TRMT1L: variants seen among roughly 807,000 people sequenced by gnomAD.
TRMT1L encodes tRNA methyltransferase 1L.
In TRMT1L, 28 loss-of-function variants were observed where a neutral mutation model predicts 81.6. That is an observed-to-expected ratio of 0.34 (90% confidence interval 0.25 to 0.47). The LOEUF (loss-of-function observed/expected upper bound fraction) is 0.47. TRMT1L is among the 20% of genes least tolerant of loss of function. TRMT1L has a pLI of 1.00. For synonymous variants in TRMT1L, 301 were observed against 303.2 expected (o/e 0.99, Z 0.07); for missense variants, 739 against 877.1 (o/e 0.84, Z 1.99).
At chr1:185,141,077 A>C (rs1320494336) in intron 7 of TRMT1L, among the ~76,000 whole-genome samples, 1 of 152,116 alleles carries the variant, frequency 6.6e-6, no homozygotes. Flanking sequence ...CTACTAGCTT[A>C]AAGTCATAAG....
At chr1:185,121,832 T>C (rs980546302) in intron 13 of TRMT1L, among the ~76,000 whole-genome samples, 1 of 152,108 alleles carries the variant, frequency 6.6e-6, no homozygotes, top group African/African-American at 2.4e-5. Flanking sequence ...TGTAGGTTTG[T>C]TACGTGGGTA....
At chr1:185,151,664 C>T (rs1353239199) in intron 2 of TRMT1L, among the ~76,000 whole-genome samples, 161 bp downstream of exon 2, 1 of 152,094 alleles carries the variant, frequency 6.6e-6, no homozygotes, top group Non-Finnish European at 1.5e-5. Context: ...CAACTTTGCA[C>T]ATAAGCGGTT....
chr1:185,143,203 C>G (rs1036473319), intron 7 of TRMT1L, among the ~76,000 whole-genome samples, 154 bp downstream of exon 7: 2 of 152,026 alleles, frequency 1.3e-5, no homozygotes, highest in Admixed American at 1.3e-4. Context: ...TTATTATACT[C>G]TAATATACAT....
chr1:185,128,588 T>C, intron 11 of TRMT1L, 81 bp downstream of exon 11: 16 of 1,325,120 alleles, frequency 1.2e-5, no homozygotes, highest in Non-Finnish European at 1.7e-5. Flanking sequence ...ATTTGTCTTT[T>C]ACCACACATA....
chr1:185,121,707 G>GTAA (rs1652503257), intron 13 of TRMT1L, among the ~76,000 whole-genome samples: 1 of 151,914 alleles, frequency 6.6e-6, no homozygotes, highest in African/African-American at 2.4e-5. Flanking sequence ...AAAATCTGAT[G>GTAA]TAATACGTTA....
intron 10 of TRMT1L, among the ~76,000 whole-genome samples, chr1:185,130,088 C>G (rs560204242): frequency 6.6e-6 from 1 of 152,264 alleles, no homozygotes; most frequent in East Asian, 1.9e-4. Flanking sequence ...TGCCTTTTCC[C>G]AAGCCTCTTT....
intron 13 of TRMT1L, among the ~76,000 whole-genome samples, chr1:185,121,823 G>A (rs1382435391): frequency 2.6e-5 from 4 of 151,640 alleles, no homozygotes; most frequent in African/African-American, 9.7e-5. Flanking sequence ...GGGTATATGT[G>A]TAGGTTTGTT....
At chr1:185,145,881 T>G (rs1306564759) in intron 4 of TRMT1L, among the ~76,000 whole-genome samples, 1 of 151,928 alleles carries the variant, frequency 6.6e-6, no homozygotes, top group African/African-American at 2.4e-5. Flanking sequence ...AAATGCTTAT[T>G]AACTGGCTCT....
intron 10 of TRMT1L, among the ~76,000 whole-genome samples, chr1:185,130,842 G>C (rs1652752095): frequency 6.6e-6 from 1 of 152,052 alleles, no homozygotes; most frequent in Non-Finnish European, 1.5e-5. Flanking sequence ...TCCCCAGTGT[G>C]GCTCTCCCAG....
Position 185,120,291 on chromosome 1 carries a change from GA to G in TRMT1L, c.1950-21del, listed in dbSNP as rs1557982962. On this transcript the variant is annotated intron_variant, in intron 14 of 14. Coordinates refer to ENST00000367506, the MANE Select transcript of TRMT1L (RefSeq NM_030934.5). ...TTTAACCTGCAAAAAGGAAAGGAAA[GA>G]AAAAATAATCAGGTTCTTGTATTTT... 2.0e-6 allele frequency: 3 copies of G among 1,502,386 alleles called. No individual in the cohort carries two copies. The highest frequency in any genetic ancestry group is 2.7e-6 in the Non-Finnish European group (3 of 1,126,946). The allele number at this position is 1,502,386 out of a possible 1,614,324, so 93.1% of individuals were successfully genotyped here. A position where few individuals can be genotyped will look rare whatever the true frequency, so the allele number is the denominator to read the frequency against.
intron 9 of TRMT1L, 67 bp downstream of exon 9, chr1:185,139,297 ACTT>A (rs1362658193): frequency 1.6e-6 from 2 of 1,279,668 alleles, no homozygotes; most frequent in Non-Finnish European, 2.2e-6. Flanking sequence ...TAAGGTAAGT[ACTT>A]CTTGTAATAT....
intron 10 of TRMT1L, among the ~76,000 whole-genome samples, chr1:185,130,678 A>G (rs754106260): frequency 4.3e-4 from 66 of 152,198 alleles, no homozygotes; most frequent in Non-Finnish European, 6.0e-4. Flanking sequence ...CTCTAATACA[A>G]TCAAGCGTCT....
At chr1:185,131,375 A>G (rs1243141188) in intron 10 of TRMT1L, among the ~76,000 whole-genome samples, 2 of 152,184 alleles carry the variant, frequency 1.3e-5, no homozygotes, top group Non-Finnish European at 2.9e-5. Context: ...CTACCATGAC[A>G]GACAGAGAAC....
At chr1:185,144,790 T>G (rs374355382) in intron 5 of TRMT1L, among the ~76,000 whole-genome samples, 6 of 151,724 alleles carry the variant, frequency 4.0e-5, no homozygotes, top group African/African-American at 1.2e-4. Flanking sequence ...TCCCTAGCAC[T>G]GTGTTACATA....
chr1:185,143,484 C>A, intron 6 of TRMT1L, 48 bp from the exon 7 acceptor site: 1 of 1,519,026 alleles, frequency 6.6e-7, no homozygotes, highest in East Asian at 2.3e-5. Flanking sequence ...GCTTCACCAT[C>A]ATAGATTTTA....
chr1:185,130,447 C>G (rs1198551397), intron 10 of TRMT1L, among the ~76,000 whole-genome samples: 4 of 152,134 alleles, frequency 2.6e-5, no homozygotes, highest in African/African-American at 9.7e-5. Context: ...GTCACATACA[C>G]AATGGGAGAA....
At chr1:185,144,887 T>C (rs568596832) in intron 5 of TRMT1L, among the ~76,000 whole-genome samples, 27 of 151,658 alleles carry the variant, frequency 1.8e-4, no homozygotes, top group Admixed American at 1.6e-3. Context: ...TTATGCTTCA[T>C]AGAAAAATAG....
At position 185,139,527 on chromosome 1, in the gene TRMT1L, T is replaced by G; in HGVS notation, c.1162A>C (p.Asn388His). 1 of 1,613,942 alleles carries G rather than the reference T, an allele frequency of 6.2e-7. No homozygotes were observed. The highest frequency in any genetic ancestry group is 8.5e-7 in the Non-Finnish European group (1 of 1,179,978). Residue 388 changes from asparagine (N) to histidine (H), a missense_variant, in exon 9 of 15, where the codon AAT becomes CAT. By Grantham distance (68) the Asn-to-His change is moderately conservative. This residue lies in a region of TRMT1L where 331 missense variants were observed against 462.2 expected (regional missense o/e 0.72). Transcript: ENST00000367506. ...GACACTATGCCAAGGTTTCTTATAT[T>G]TCTGAATGCAGAATCTAGATAATTC... is the stretch of plus-strand genomic sequence containing the variant. ...SVNYLDSAFR[N>H]IRNLGIVSVT...
intron 1 of TRMT1L, among the ~76,000 whole-genome samples, chr1:185,156,134 G>A: frequency 6.6e-6 from 1 of 152,224 alleles, no homozygotes; most frequent in East Asian, 1.9e-4. Context: ...AACCATGGCA[G>A]ACTGGACTGC....
Sources: gnomAD v4.1 joint callset for allele counts (sites outside exome capture counted in the v4.1 genomes callset) on GRCh38, gnomAD v4.1.1 for gene constraint, gnomAD v4.1.1 regional missense constraint, MANE v1.5 for transcripts, NCBI Gene and HGNC (gene_info 2026-07-23, HGNC 2026-07-21) for gene names.